Variants in NIN observed in about 807,000 individuals in gnomAD.
NIN encodes the protein glycogen synthase kinase 3 beta-interacting protein.
In NIN, 137 loss-of-function variants were observed where a neutral mutation model predicts 257.6. The ratio of observed to expected loss-of-function variants is 0.53; its 90% CI spans 0.46 to 0.61. NIN has a LOEUF of 0.61. NIN is among the 20% of genes least tolerant of loss of function. The pLI, the probability that NIN is intolerant of heterozygous loss-of-function variation, is 0.00. For synonymous variants in NIN, 918 were observed against 919.8 expected, an observed-to-expected ratio of 1.00 and a Z score of 0.04; for missense variants, 2,439 against 2,501.2, an observed-to-expected ratio of 0.98 and a Z score of 0.53.
chr14:50,738,392 C>A, intron 26 of NIN, 106 bp from the exon 27 acceptor site: 1 of 904,388 alleles, frequency 1.1e-6, no homozygotes, highest in Non-Finnish European at 1.7e-6. Flanking sequence ...TCCTGTTTAA[C>A]ATCCTTTTTC....
intron 16 of NIN, among the ~76,000 whole-genome samples, chr14:50,760,857 C>T (rs750913110): frequency 2.6e-5 from 4 of 151,940 alleles, no homozygotes; most frequent in Non-Finnish European, 4.4e-5. Flanking sequence ...TTGGTAGAGA[C>T]GGGGTCTCAC....
At chr14:50,735,669 G>A in intron 27 of NIN, 52 bp from the exon 28 acceptor site, 2 of 1,554,290 alleles carry the variant, frequency 1.3e-6, no homozygotes, top group African/African-American at 1.4e-5. Context: ...AAACACTTGA[G>A]TTGTTCTACT....
chr14:50,780,837 C>T (rs1257822253), intron 5 of NIN, among the ~76,000 whole-genome samples: 5 of 152,230 alleles, frequency 3.3e-5, no homozygotes, highest in South Asian at 2.1e-4. Flanking sequence ...TGAATTAGGA[C>T]GTGTGATTTT....
At position 50,756,901 on chromosome 14, in the gene NIN, C is replaced by T. The variant is rs1386033723; in HGVS notation, c.4129G>A (p.Val1377Ile). ...NQTLEECVPR[V>I]RSVHHVIEEC... ...TCTATGACATGATGTACACTCCTAA[C>T]CCTGGGCACACACTCTTCCAGTGTC... is the stretch of plus-strand genomic sequence containing the variant. Residue 1377 changes from valine (V) to isoleucine (I), a missense_variant, in exon 18 of 31, where the codon GTT becomes ATT. Physicochemically the swap from Val to Ile is conservative, Grantham distance 29. Around this residue, in one of 3 missense-constraint regions of NIN, gnomAD observed 2,043 missense variants for 2,050.2 expected, o/e 1.00. Transcript: ENST00000530997. 2.6e-6 allele frequency: 4 copies of T among 1,557,712 alleles called. No homozygotes were observed. The highest frequency in any genetic ancestry group is 4.8e-5 in the East Asian group (2 of 41,380).
intron 3 of NIN, among the ~76,000 whole-genome samples, chr14:50,813,138 T>C: frequency 6.6e-6 from 1 of 152,230 alleles, no homozygotes; most frequent in East Asian, 1.9e-4. Context: ...GAAATGTTGA[T>C]GAACACCCCC....
intron 4 of NIN, among the ~76,000 whole-genome samples, chr14:50,802,884 A>G (rs1186505652): frequency 2.6e-5 from 4 of 152,232 alleles, no homozygotes; most frequent in Non-Finnish European, 5.9e-5. Context: ...GCAATATCTT[A>G]TATTTTAATT....
chr14:50,821,208 C>T (rs762286716), intron 3 of NIN, among the ~76,000 whole-genome samples: 1 of 152,186 alleles, frequency 6.6e-6, no homozygotes, highest in Non-Finnish European at 1.5e-5. Flanking sequence ...AATCTCAGGT[C>T]ATGGCAGATC....
intron 30 of NIN, 163 bp from the exon 31 acceptor site, chr14:50,723,835 G>A: frequency 1.6e-6 from 1 of 614,344 alleles, no homozygotes; most frequent in Non-Finnish European, 2.8e-6. Context: ...CTTGGCATCA[G>A]GGACACCATT....
At chr14:50,792,918 G>T (rs1044798883) in intron 4 of NIN, 37 bp from the exon 5 acceptor site, 2 of 1,606,368 alleles carry the variant, frequency 1.2e-6, no homozygotes, top group African/African-American at 2.7e-5. Flanking sequence ...CACATGACAT[G>T]AGAATCTCAG....
chr14:50,777,227 T>C, intron 6 of NIN, 88 bp from the exon 7 acceptor site: 1 of 1,046,268 alleles, frequency 9.6e-7, no homozygotes, highest in Non-Finnish European at 1.4e-6. Flanking sequence ...TTTTTGAAAA[T>C]AAATACTGTA....
intron 5 of NIN, among the ~76,000 whole-genome samples, chr14:50,787,920 T>C (rs2043413581): frequency 6.6e-6 from 1 of 152,216 alleles, no homozygotes; most frequent in Non-Finnish European, 1.5e-5. Flanking sequence ...AGCTAGGTTA[T>C]ATATTTTCTG....
intron 7 of NIN, among the ~76,000 whole-genome samples, chr14:50,776,361 C>T (rs1394781768): frequency 6.6e-6 from 1 of 152,086 alleles, no homozygotes; most frequent in Non-Finnish European, 1.5e-5. Context: ...ACCAAACTAC[C>T]CTTTACCATT....
intron 10 of NIN, 62 bp downstream of exon 10, chr14:50,771,270 C>T (rs754406705): frequency 1.8e-5 from 29 of 1,583,846 alleles, no homozygotes; most frequent in Middle Eastern, 2.1e-4. Context: ...CCAAGGCATC[C>T]GAATGACTTG....
intron 5 of NIN, chr14:50,791,936 C>A (rs1199945266): frequency 1.3e-5 from 2 of 152,068 alleles, no homozygotes; most frequent in African/African-American, 4.8e-5. Context: ...TAGCCCCAGT[C>A]TGAGCTGGGA....
intron 4 of NIN, among the ~76,000 whole-genome samples, chr14:50,800,943 C>A (rs1222487104): frequency 6.6e-6 from 1 of 151,996 alleles, no homozygotes; most frequent in Non-Finnish European, 1.5e-5. Context: ...CCACCACGCC[C>A]AGCTAATTTT....
In NIN at chr14:50,729,666, G is replaced by T. The variant is rs1265834040; in HGVS notation, c.5935C>A (p.Gln1979Lys). 2 of 1,613,624 alleles carry T rather than the reference G, an allele frequency of 1.2e-6. No homozygotes were observed. Among genetic ancestry groups the T allele is most frequent in the African/African-American group, 2.7e-5 (2 of 75,044 alleles). Residue 1979 changes from glutamine (Q) to lysine (K), a missense_variant, in exon 29 of 31, where the codon CAG (glutamine) becomes AAG (lysine). Physicochemically the swap from Gln to Lys is moderately conservative, Grantham distance 53. Transcript: ENST00000530997. Reference protein sequence around the residue: ...PSPSPHAWDLQLLQQQACPMV... With the variant: ...PSPSPHAWDLKLLQQQACPMV... ...GGACAGGCTTGCTGCTGGAGCAGCTGCAAATCCCAAGCATGAGGGGACGGG... is the reference window on the plus strand; with the variant it reads ...GGACAGGCTTGCTGCTGGAGCAGCTTCAAATCCCAAGCATGAGGGGACGGG...
In NIN at chr14:50,776,947, A is replaced by G. The variant is rs779466036; in HGVS notation, c.666+2T>C. ...ATTCCTGAATTATACTGCGAGGCTT[A>G]CCTCTCCATCCACATTCTGTAAACC... On this transcript the variant is annotated splice_donor_variant, in intron 7 of 30. Coordinates refer to ENST00000530997, the MANE Select transcript of NIN (RefSeq NM_020921.4). LOFTEE classifies it high-confidence loss of function. The G allele has an allele frequency of 3.1e-6, 5 of 1,609,866 alleles. No homozygotes were observed. In the African/African-American group the frequency reaches 6.7e-5, roughly 22 times the overall value.
intron 2 of NIN, among the ~76,000 whole-genome samples, chr14:50,827,104 T>C (rs1321379590): frequency 6.6e-6 from 1 of 152,252 alleles, no homozygotes. Flanking sequence ...GTGCTCTTTT[T>C]CTTCTTTCTT....
Position 50,757,538 on chromosome 14 carries a change from C to T in NIN, c.3492G>A (p.Gln1164=). The change falls in exon 18 of 31, where the codon CAG becomes CAA. Residue 1164 remains glutamine, a synonymous_variant. Transcript: ENST00000530997. ...ACTCCTCTATTTTGACTTCCTGTCTCTGAACAGAGCTCGTCCCTGTACTTC... is the reference window on the plus strand; with the variant it reads ...ACTCCTCTATTTTGACTTCCTGTCTTTGAACAGAGCTCGTCCCTGTACTTC... ...DLGSTGTSSV[Q]RQEVKIEESE... is the part of the protein sequence containing the mutation. The T allele has an allele frequency of 3.1e-6, 5 of 1,614,076 alleles. No individual in the cohort carries two copies. Among genetic ancestry groups the T allele is most frequent in the Non-Finnish European group, 3.4e-6 (4 of 1,180,006 alleles).
Sources: gnomAD v4.1 joint callset for allele counts (sites outside exome capture counted in the v4.1 genomes callset) on GRCh38, gnomAD v4.1.1 for gene constraint, gnomAD v4.1.1 regional missense constraint, MANE v1.5 for transcripts, NCBI Gene and HGNC (gene_info 2026-07-23, HGNC 2026-07-21) for gene names.